Variants in CLYBL observed in about 807,000 individuals in gnomAD.
The protein encoded by CLYBL is citramalyl-CoA lyase, mitochondrial.
A neutral mutation model predicts 38.9 loss-of-function variants in CLYBL; 31 were observed. The observed-to-expected ratio is 0.80, with a 90% confidence interval of 0.60 to 1.08. CLYBL has a LOEUF of 1.08. CLYBL is among the 50% of genes least tolerant of loss of function. CLYBL has a pLI of 0.00. For synonymous variants in CLYBL, 171 were observed against 158.6 expected, an observed-to-expected ratio of 1.08 and a Z score of -0.59; for missense variants, 434 against 411.6, an observed-to-expected ratio of 1.05 and a Z score of -0.47.
chr13:99,872,388 G>GT (rs1176533933), intron 7 of CLYBL, among the ~76,000 whole-genome samples: 2 of 152,138 alleles, frequency 1.3e-5, no homozygotes, highest in Non-Finnish European at 2.9e-5. Context: ...CTTGTGTTTA[G>GT]TGTCCATTTT....
chr13:99,862,517 G>C (rs1037023465), intron 3 of CLYBL, among the ~76,000 whole-genome samples: 34 of 152,176 alleles, frequency 2.2e-4, no homozygotes, highest in Admixed American at 2.2e-3. Flanking sequence ...TGAACAAAGG[G>C]TAATGGTGCT....
intron 1 of CLYBL, among the ~76,000 whole-genome samples, chr13:99,649,654 C>G (rs763952070): frequency 6.6e-6 from 1 of 150,542 alleles, no homozygotes; most frequent in African/African-American, 2.4e-5. Context: ...CTGCTTGAGC[C>G]GGGAGCATGA....
At chr13:99,688,841 T>G (rs1426271763) in intron 1 of CLYBL, among the ~76,000 whole-genome samples, 1 of 152,204 alleles carries the variant, frequency 6.6e-6, no homozygotes, top group African/African-American at 2.4e-5. Flanking sequence ...AAATTTACAT[T>G]GAAGTGCTAA....
At chr13:99,731,754 C>T (rs1301749840) in intron 1 of CLYBL, among the ~76,000 whole-genome samples, 3 of 152,168 alleles carry the variant, frequency 2.0e-5, no homozygotes, top group Admixed American at 6.6e-5. Flanking sequence ...GGAAGGGCCT[C>T]GGACATCTCC....
intron 1 of CLYBL, chr13:99,643,189 C>G (rs2047122005): frequency 6.5e-6 from 1 of 152,754 alleles, no homozygotes; most frequent in Non-Finnish European, 1.5e-5. Context: ...TCTGCTTCCA[C>G]CTGCCTCTGG....
At chr13:99,668,262 A>AAAC (rs1447802073) in intron 1 of CLYBL, among the ~76,000 whole-genome samples, 2 of 123,062 alleles carry the variant, frequency 1.6e-5, no homozygotes, top group African/African-American at 6.0e-5. Context: ...CGACAGAGTG[A>AAAC]GCCCTTGTCT....
intron 1 of CLYBL, among the ~76,000 whole-genome samples, chr13:99,646,816 G>A (rs1010892219): frequency 2.0e-5 from 3 of 151,706 alleles, no homozygotes; most frequent in Non-Finnish European, 2.9e-5. Context: ...GAGCCACCAC[G>A]CCTGGCTGGT....
chr13:99,728,392 C>T (rs1289727299), intron 1 of CLYBL, among the ~76,000 whole-genome samples: 1 of 151,098 alleles, frequency 6.6e-6, no homozygotes, highest in East Asian at 2.0e-4. Context: ...GATTATCCTG[C>T]CTCAGCCTCC....
rs1293795864 is a variant in CLYBL at position 99,628,667 on chromosome 13, A to C, written c.62+21910A>C. Among the ~76,000 whole-genome samples the C allele has an allele frequency of 2.0e-5, 3 of 152,244 alleles. No homozygotes were observed. In the East Asian group the frequency reaches 5.8e-4, roughly 29 times the overall value. On this transcript the variant is annotated intron_variant, in intron 1 of 8. Coordinates refer to ENST00000339105, the MANE Select transcript of CLYBL (RefSeq NM_206808.5). ...TAGAGAGCCTGCAGGAAGGCAGAAC[A>C]GGCTTGTAAACTGGAGCCTGAGGCT...
At chr13:99,899,639 G>A (rs1439880119), downstream of CLYBL, among the ~76,000 whole-genome samples, 2 of 152,188 alleles carry the variant, frequency 1.3e-5, no homozygotes, top group Non-Finnish European at 2.9e-5. Flanking sequence ...TAATGCCACA[G>A]TGCTTAAAAT....
At chr13:99,848,631 TC>T (rs891331077) in intron 2 of CLYBL, among the ~76,000 whole-genome samples, 7 of 152,146 alleles carry the variant, frequency 4.6e-5, no homozygotes, top group African/African-American at 1.7e-4. Flanking sequence ...TGCCACCTAT[TC>T]CCTGGGACCC....
At chr13:99,816,691 A>G (rs2050455148) in intron 2 of CLYBL, among the ~76,000 whole-genome samples, 1 of 152,214 alleles carries the variant, frequency 6.6e-6, no homozygotes, top group Non-Finnish European at 1.5e-5. Flanking sequence ...AGAAAGTTCC[A>G]TCTATGAACC....
intron 1 of CLYBL, among the ~76,000 whole-genome samples, chr13:99,642,728 G>T (rs1480995833): frequency 6.6e-6 from 1 of 151,340 alleles, no homozygotes; most frequent in East Asian, 2.0e-4. Context: ...TCTCCTTCCT[G>T]CCTGCCTGCT....
intron 1 of CLYBL, among the ~76,000 whole-genome samples, chr13:99,609,203 A>G (rs1424735952): frequency 9.7e-6 from 1 of 103,022 alleles, no homozygotes; most frequent in Non-Finnish European, 1.8e-5. Flanking sequence ...TTTGAGACAG[A>G]GTCTTGCTCT....
chr13:99,899,414 ACT>A (rs1227988686), downstream of CLYBL, among the ~76,000 whole-genome samples: 3 of 151,918 alleles, frequency 2.0e-5, no homozygotes, highest in African/African-American at 4.8e-5. Context: ...TGCACCGTAG[ACT>A]CTGTCTGAGC....
chr13:99,613,040 A>G (rs1219562532), intron 1 of CLYBL, among the ~76,000 whole-genome samples: 2 of 103,016 alleles, frequency 1.9e-5, no homozygotes, highest in African/African-American at 1.1e-4. Context: ...TAATAATAAT[A>G]ATAATAATAA....
At chr13:99,678,484 C>T (rs902301830) in intron 1 of CLYBL, among the ~76,000 whole-genome samples, 4 of 152,150 alleles carry the variant, frequency 2.6e-5, no homozygotes, top group African/African-American at 9.7e-5. Flanking sequence ...TGAAGAAGCT[C>T]CCTTTAGAAA....
intron 1 of CLYBL, among the ~76,000 whole-genome samples, chr13:99,612,802 A>C (rs934710246): frequency 2.0e-5 from 3 of 152,018 alleles, no homozygotes; most frequent in African/African-American, 7.2e-5. Context: ...ACTTGTGGCC[A>C]GGAGTTCAAG....
chr13:99,701,492 T>G (rs1027134786), intron 1 of CLYBL, among the ~76,000 whole-genome samples: 2 of 151,822 alleles, frequency 1.3e-5, no homozygotes, highest in Admixed American at 6.6e-5. Flanking sequence ...TTTTGTATTT[T>G]TAATAGAGAC....
Sources: gnomAD v4.1 joint callset for allele counts (sites outside exome capture counted in the v4.1 genomes callset) on GRCh38, gnomAD v4.1.1 for gene constraint, MANE v1.5 for transcripts, NCBI Gene and HGNC (gene_info 2026-07-23, HGNC 2026-07-21) for gene names.